The following CNDP1 variants were observed in gnomAD, a reference collection of about 807,000 sequenced individuals.
CNDP1 encodes beta-Ala-His dipeptidase.
CNDP1 carries 44 observed loss-of-function variants against 58.1 expected under a neutral mutation model. The observed-to-expected ratio is 0.76, with a 90% CI of 0.60 to 0.97. The LOEUF (loss-of-function observed/expected upper bound fraction) is 0.97. CNDP1 is among the 50% of genes least tolerant of loss of function. The pLI, the probability that CNDP1 is intolerant of heterozygous loss-of-function variation, is 0.00. For missense variants in CNDP1, 616 were observed against 655.1 expected (o/e 0.94, Z 0.65); for synonymous variants, 254 against 252.6 (o/e 1.01, Z -0.05).
chr18:74,568,942 C>T (rs1228729483), intron 6 of CNDP1, among the ~76,000 whole-genome samples: 1 of 151,998 alleles, frequency 6.6e-6, no homozygotes, highest in African/African-American at 2.4e-5. Flanking sequence ...GGGAAGAGCT[C>T]ATCAAGGTGT....
chr18:74,534,545 G>A lies in CNDP1; in HGVS notation c.-123G>A. On this transcript the variant is annotated 5_prime_UTR_variant, in exon 1 of 12. Coordinates refer to ENST00000358821, the MANE Select transcript of CNDP1 (RefSeq NM_032649.6). ...TACCAGCCTCGTCTTCCTTCCGGGGGACAACGTGGGTCAGGGCACAGAGAG... is the reference window on the plus strand; with the variant it reads ...TACCAGCCTCGTCTTCCTTCCGGGGAACAACGTGGGTCAGGGCACAGAGAG... 2 of 993,762 alleles carry A rather than the reference G, an allele frequency of 2.0e-6. No homozygotes were observed. The highest frequency in any genetic ancestry group is 1.6e-6 in the Non-Finnish European group (1 of 635,386). The allele number at this position is 993,762 out of a possible 1,614,324, so 61.6% of individuals were successfully genotyped here.
chr18:74,556,847 C>T (rs1981055164), intron 2 of CNDP1, among the ~76,000 whole-genome samples: 1 of 152,258 alleles, frequency 6.6e-6, no homozygotes, highest in Non-Finnish European at 1.5e-5. Flanking sequence ...CAAAGTTCAA[C>T]AGCAGCGTTG....
At chr18:74,559,577 C>T (rs1168510113) in intron 3 of CNDP1, 105 bp downstream of exon 3, 3 of 934,236 alleles carry the variant, frequency 3.2e-6, no homozygotes, top group African/African-American at 3.3e-5. Flanking sequence ...TCAACCACAA[C>T]CCCCCATAAC....
At chr18:74,568,401 G>C (rs1981384992) in intron 6 of CNDP1, among the ~76,000 whole-genome samples, 1 of 152,196 alleles carries the variant, frequency 6.6e-6, no homozygotes, top group Non-Finnish European at 1.5e-5. Context: ...AGATGTGGGA[G>C]TGACAGAGAA....
intron 8 of CNDP1, 193 bp downstream of exon 8, chr18:74,577,222 CG>C: frequency 2.3e-6 from 1 of 435,526 alleles, no homozygotes; most frequent in Non-Finnish European, 4.0e-6. Flanking sequence ...TTTTCAATGG[CG>C]TCTAATTGGC....
At chr18:74,580,306 C>A in intron 10 of CNDP1, 35 bp downstream of exon 10, 1 of 1,610,032 alleles carries the variant, frequency 6.2e-7, no homozygotes, top group Non-Finnish European at 8.5e-7. Context: ...GGCCAATCTG[C>A]ACTGGGACTC....
intron 5 of CNDP1, among the ~76,000 whole-genome samples, chr18:74,565,622 G>A (rs1981307823): frequency 6.6e-6 from 1 of 152,198 alleles, no homozygotes; most frequent in Admixed American, 6.5e-5. Flanking sequence ...CAGGTCTCAT[G>A]TCCAGGTTAC....
At chr18:74,547,220 A>G (rs1024264957) in intron 1 of CNDP1, among the ~76,000 whole-genome samples, 1 of 152,230 alleles carries the variant, frequency 6.6e-6, no homozygotes. Context: ...TAACAAATTC[A>G]TCAGAGCAGA....
chr18:74,560,260 C>T lies in CNDP1; in HGVS notation c.304-596C>T, dbSNP rs572174478. ...TCAACTCCTGACCTCGTGATCCACC[C>T]GCCTTGGCTTCCCAAAGTGCTGGGA... On this transcript the variant is annotated intron_variant, in intron 3 of 11. Transcript: ENST00000358821. Among the ~76,000 whole-genome samples the T allele has an allele frequency of 6.6e-5, 10 of 152,308 alleles. No homozygotes were observed. In the South Asian group the frequency reaches 8.3e-4, roughly 13 times the overall value.
rs1282171165 is a variant in CNDP1, at chr18:74,584,844, TC to T, written c.*284del. On this transcript the variant is annotated 3_prime_UTR_variant, in exon 12 of 12. Coordinates refer to ENST00000358821, the MANE Select transcript of CNDP1 (RefSeq NM_032649.6). ...CTGTGCAATAGCCCCAGGATTGGAT[TC>T]CTTCAAACCTTTTAGCATATCTCCA... 4 of 385,226 alleles carry T rather than the reference TC, an allele frequency of 1.0e-5. No homozygotes were observed. The highest frequency in any genetic ancestry group is 4.0e-5 in the African/African-American group (2 of 50,230). 23.9% of individuals were successfully genotyped at this position (385,226 alleles called of 1,614,324 possible).
intron 1 of CNDP1, among the ~76,000 whole-genome samples, chr18:74,543,973 C>A (rs990957286): frequency 6.6e-6 from 1 of 152,056 alleles, no homozygotes; most frequent in African/African-American, 2.4e-5. Flanking sequence ...TTAGTCCCAG[C>A]TTCTCAGGAG....
chr18:74,546,505 AC>A (rs1037981925), intron 1 of CNDP1, among the ~76,000 whole-genome samples: 13 of 151,396 alleles, frequency 8.6e-5, no homozygotes, highest in Non-Finnish European at 1.8e-4. Context: ...GTCTCGTGCC[AC>A]CCCCCTTAAG....
chr18:74,581,078 C>T (rs1981776898), intron 10 of CNDP1, among the ~76,000 whole-genome samples: 1 of 152,210 alleles, frequency 6.6e-6, no homozygotes, highest in African/African-American at 2.4e-5. Context: ...TAAGCAGACC[C>T]TGGGCTGGCC....
At position 74,559,492 on chromosome 18, in the gene CNDP1, C is replaced by T. The variant is rs79728568; in HGVS notation, c.303+20C>T. 1.9e-3 allele frequency: 3,034 copies of T among 1,590,136 alleles called. 47 individuals carry two copies. The African/African-American group carries it at 0.036, about 19-fold the overall frequency. On this transcript the variant is annotated intron_variant, in intron 3 of 11. Coordinates refer to ENST00000358821, the MANE Select transcript of CNDP1 (RefSeq NM_032649.6). Reference sequence around the variant, plus strand: ...CAGCAGGTGCTGTACGATTCCCTCCCACTGAGGGAGGTGCTACTTCTAGAC... The same window carrying T: ...CAGCAGGTGCTGTACGATTCCCTCCTACTGAGGGAGGTGCTACTTCTAGAC...
intron 5 of CNDP1, among the ~76,000 whole-genome samples, chr18:74,562,363 C>A (rs1264674480): frequency 6.6e-6 from 1 of 152,122 alleles, no homozygotes. Flanking sequence ...GCTGATACTT[C>A]GAGGATGGAT....
At chr18:74,570,698 G>A (rs1403905254) in intron 6 of CNDP1, among the ~76,000 whole-genome samples, 2 of 152,178 alleles carry the variant, frequency 1.3e-5, no homozygotes, top group Non-Finnish European at 1.5e-5. Context: ...GTAGAGGAAG[G>A]ATGAGCCAAG....
intron 1 of CNDP1, among the ~76,000 whole-genome samples, chr18:74,544,421 T>C (rs1451736505): frequency 2.6e-5 from 4 of 152,034 alleles, no homozygotes; most frequent in Non-Finnish European, 4.4e-5. Context: ...TAGAATGTTA[T>C]ATAGTGATAA....
At chr18:74,553,831 T>A (rs1980969698) in intron 1 of CNDP1, among the ~76,000 whole-genome samples, 1 of 152,204 alleles carries the variant, frequency 6.6e-6, no homozygotes, top group Non-Finnish European at 1.5e-5. Flanking sequence ...CCATCAGTGT[T>A]CAGCACCAGT....
At chr18:74,579,267 T>A (rs1327109583) in intron 9 of CNDP1, among the ~76,000 whole-genome samples, 1 of 142,592 alleles carries the variant, frequency 7.0e-6, no homozygotes, top group Non-Finnish European at 1.5e-5. Context: ...TTCCCTCCTG[T>A]TCCTTCCTCC....
Sources: gnomAD v4.1 joint callset for allele counts (sites outside exome capture counted in the v4.1 genomes callset) on GRCh38, gnomAD v4.1.1 for gene constraint, MANE v1.5 for transcripts, NCBI Gene and HGNC (gene_info 2026-07-23, HGNC 2026-07-21) for gene names.